The following ARHGAP24 variants were observed in gnomAD, a reference collection of about 807,000 sequenced individuals.
The protein encoded by ARHGAP24 is rho GTPase-activating protein 24.
A neutral mutation model predicts 76.4 loss-of-function variants in ARHGAP24; 50 were observed. The observed-to-expected ratio is 0.65, with a 90% CI of 0.52 to 0.83. The LOEUF is 0.83. ARHGAP24 is among the 40% of genes least tolerant of loss of function. The pLI, the probability that ARHGAP24 is intolerant of heterozygous loss-of-function variation, is 0.00. For missense variants in ARHGAP24, 930 were observed against 914.2 expected (o/e 1.02, Z -0.22); for synonymous variants, 345 against 323.3 (o/e 1.07, Z -0.72).
rs944078918 is a variant in ARHGAP24, at chr4:85,759,997, A to T, written c.268+38025A>T. Among the ~76,000 whole-genome samples the T allele has an allele frequency of 2.6e-5, 4 of 152,170 alleles. No individual in the cohort carries two copies. In the South Asian group the frequency reaches 8.3e-4, roughly 32 times the overall value. ...AACTCACAGTTCCAAAATGTTACAG[A>T]TAGCTGTGGGGTTTTGGTTTCATTT... On this transcript the variant is annotated intron_variant, in intron 3 of 9. Coordinates refer to ENST00000395184, the MANE Select transcript of ARHGAP24 (RefSeq NM_001025616.3).
intron 5 of ARHGAP24, among the ~76,000 whole-genome samples, chr4:85,970,374 A>G (rs889810622): frequency 2.0e-5 from 3 of 152,232 alleles, no homozygotes; most frequent in Non-Finnish European, 2.9e-5. Context: ...AATTTTCCTT[A>G]TTTCCACTCA....
rs149139768 is a variant in ARHGAP24, at chr4:85,527,669, T to C, written c.-20-42853T>C. Among the ~76,000 whole-genome samples, 116 of 152,194 alleles carry C rather than the reference T, an allele frequency of 7.6e-4. 3 individuals carry two copies. In the East Asian group the frequency reaches 0.021, roughly 28 times the overall value. On this transcript the variant is annotated intron_variant, in intron 1 of 9. Coordinates refer to ENST00000395184, the MANE Select transcript of ARHGAP24 (RefSeq NM_001025616.3). ...CTCTATGTGTTCAAGGGAGGACAAC[T>C]TAATGTTTTGTTTTTATTTTTGTTT...
At chr4:85,730,741 C>G (rs1417937452) in intron 3 of ARHGAP24, among the ~76,000 whole-genome samples, 2 of 151,070 alleles carry the variant, frequency 1.3e-5, no homozygotes, top group Non-Finnish European at 2.9e-5. Flanking sequence ...AAGTATCTCA[C>G]AGAAAATAAC....
At chr4:85,602,413 G>T (rs112727541) in intron 2 of ARHGAP24, among the ~76,000 whole-genome samples, 1,714 of 152,234 alleles carry the variant, frequency 0.011, 37 homozygotes, top group African/African-American at 0.039. Flanking sequence ...CTATTTTGTT[G>T]TGCTCAGGCA....
At chr4:85,802,474 G>A (rs1050304431) in intron 3 of ARHGAP24, among the ~76,000 whole-genome samples, 1 of 152,200 alleles carries the variant, frequency 6.6e-6, no homozygotes, top group Non-Finnish European at 1.5e-5. Flanking sequence ...CAGAGAAGGA[G>A]ATAATTTATA....
chr4:85,942,517 A>T (rs1386699021), intron 5 of ARHGAP24: 1 of 468,992 alleles, frequency 2.1e-6, no homozygotes, highest in African/African-American at 1.9e-5. Context: ...CTTTGGTACT[A>T]AAGTAAAACT....
chr4:85,626,294 T>A (rs1720951271), intron 2 of ARHGAP24, among the ~76,000 whole-genome samples: 1 of 152,180 alleles, frequency 6.6e-6, no homozygotes, highest in Non-Finnish European at 1.5e-5. Flanking sequence ...AGCATTTGCT[T>A]GTCTGTAAAG....
chr4:85,676,742 AC>A (rs1032646341), intron 2 of ARHGAP24, among the ~76,000 whole-genome samples: 2 of 152,194 alleles, frequency 1.3e-5, no homozygotes, highest in African/African-American at 4.8e-5. Context: ...GCCAAGCAGT[AC>A]CCATTCATCT....
At chr4:85,746,315 T>C (rs1478438685) in intron 3 of ARHGAP24, among the ~76,000 whole-genome samples, 1 of 152,248 alleles carries the variant, frequency 6.6e-6, no homozygotes, top group East Asian at 1.9e-4. Flanking sequence ...GCAGCCCTCC[T>C]TCTTTTGAGT....
At chr4:85,506,908 A>T (rs1163909370) in intron 1 of ARHGAP24, among the ~76,000 whole-genome samples, 1 of 138,576 alleles carries the variant, frequency 7.2e-6, no homozygotes, top group African/African-American at 2.7e-5. Context: ...TTTTCCCCCC[A>T]TGTGGAACTT....
At chr4:85,631,705 A>G (rs1325746716) in intron 2 of ARHGAP24, among the ~76,000 whole-genome samples, 3 of 152,208 alleles carry the variant, frequency 2.0e-5, no homozygotes, top group South Asian at 2.1e-4. Context: ...GATCATAGCA[A>G]TATTCCTTGG....
chr4:85,905,385 T>C (rs1472607808), intron 3 of ARHGAP24, among the ~76,000 whole-genome samples: 1 of 81,890 alleles, frequency 1.2e-5, no homozygotes, highest in Non-Finnish European at 2.2e-5. Flanking sequence ...AAAGACAGTC[T>C]GTTTTTTTGG....
At chr4:85,646,196 T>C (rs1451465274) in intron 2 of ARHGAP24, among the ~76,000 whole-genome samples, 1 of 152,036 alleles carries the variant, frequency 6.6e-6, no homozygotes, top group East Asian at 1.9e-4. Flanking sequence ...TATTTTAACA[T>C]CAAATAAAGA....
At chr4:85,893,457 G>T (rs1733950376) in intron 3 of ARHGAP24, among the ~76,000 whole-genome samples, 1 of 41,022 alleles carries the variant, frequency 2.4e-5, no homozygotes. Context: ...TCCTAGTCTC[G>T]ATGGTCTTTA....
At chr4:85,486,547 G>C (rs1432382668) in intron 1 of ARHGAP24, among the ~76,000 whole-genome samples, 1 of 152,158 alleles carries the variant, frequency 6.6e-6, no homozygotes, top group Non-Finnish European at 1.5e-5. Context: ...CAATATCTAA[G>C]ATGACAACTG....
chr4:85,803,090 T>C (rs1486014681), intron 3 of ARHGAP24, among the ~76,000 whole-genome samples: 4 of 152,206 alleles, frequency 2.6e-5, no homozygotes, highest in Admixed American at 2.6e-4. Flanking sequence ...TAAAAACAAA[T>C]GATATATTAA....
At chr4:85,487,617 CAT>C (rs571292985) in intron 1 of ARHGAP24, among the ~76,000 whole-genome samples, 11,080 of 97,620 alleles carry the variant, frequency 0.11, 753 homozygotes, top group Non-Finnish European at 0.14. Flanking sequence ...ATTATATAAA[CAT>C]ATATTTATTA....
At chr4:85,485,275 G>A (rs1722983012) in intron 1 of ARHGAP24, among the ~76,000 whole-genome samples, 1 of 143,758 alleles carries the variant, frequency 7.0e-6, no homozygotes, top group Non-Finnish European at 1.5e-5. Context: ...GTGAACCTGG[G>A]AGGTGGAGCT....
At chr4:85,940,098 G>C (rs1736872969) in intron 4 of ARHGAP24, among the ~76,000 whole-genome samples, 2 of 152,064 alleles carry the variant, frequency 1.3e-5, no homozygotes, top group Admixed American at 1.3e-4. Context: ...AACCTAACCA[G>C]TTTGTAAACC....
Sources: allele counts gnomAD v4.1 joint callset (sites outside exome capture counted in the v4.1 genomes callset), GRCh38; gene constraint gnomAD v4.1.1; transcripts MANE v1.5; gene names NCBI Gene and HGNC (gene_info 2026-07-23, HGNC 2026-07-21).